The following KLF15 variants were observed in gnomAD, a reference collection of about 807,000 sequenced individuals.
KLF15 encodes Krueppel-like factor 15.
A neutral mutation model predicts 24.6 loss-of-function variants in KLF15; 4 were observed. The ratio of observed to expected loss-of-function variants is 0.16; its 90% CI spans 0.08 to 0.37. The LOEUF (loss-of-function observed/expected upper bound fraction) is 0.37. KLF15 is among the 10% of genes least tolerant of loss of function. KLF15 has a pLI of 1.00. For synonymous variants in KLF15, 246 were observed against 236.3 expected, an observed-to-expected ratio of 1.04 and a Z score of -0.37; for missense variants, 496 against 560.6, an observed-to-expected ratio of 0.88 and a Z score of 1.16.
chr3:126,306,766 G>A, the KLF15 span, among the ~76,000 whole-genome samples: 103 of 152,360 alleles, frequency 6.8e-4, 1 homozygote, highest in Admixed American at 3.0e-3. Flanking sequence ...GAATGACAGC[G>A]AGTTCCCCTG....
the KLF15 span, among the ~76,000 whole-genome samples, chr3:126,312,073 C>A: frequency 2.4e-4 from 36 of 152,206 alleles, no homozygotes; most frequent in Non-Finnish European, 4.3e-4. Flanking sequence ...GAGGCTATAG[C>A]CCCTCTGAGC....
chr3:126,298,072 T>C, the KLF15 span, among the ~76,000 whole-genome samples: 3 of 152,340 alleles, frequency 2.0e-5, no homozygotes, highest in South Asian at 6.2e-4. Context: ...ACCAGCAGTG[T>C]AGAAATGCTC....
chr3:126,346,821 C>T (rs1415378428), intron 2 of KLF15, among the ~76,000 whole-genome samples: 1 of 152,178 alleles, frequency 6.6e-6, no homozygotes, highest in African/African-American at 2.4e-5. Context: ...TAAGATGCAG[C>T]CCTTGTAGGC....
the KLF15 span, among the ~76,000 whole-genome samples, chr3:126,313,623 G>C: frequency 1.3e-5 from 2 of 152,166 alleles, no homozygotes; most frequent in Admixed American, 1.3e-4. Flanking sequence ...CCTGCAGAGG[G>C]TCATTTTTCA....
chr3:126,317,949 C>T, the KLF15 span, among the ~76,000 whole-genome samples: 1 of 152,198 alleles, frequency 6.6e-6, no homozygotes, highest in South Asian at 2.1e-4. Flanking sequence ...ACGTTGGTGA[C>T]TCACATACAT....
chr3:126,304,956 T>A, the KLF15 span, among the ~76,000 whole-genome samples: 1 of 152,124 alleles, frequency 6.6e-6, no homozygotes, highest in Non-Finnish European at 1.5e-5. Context: ...CCAAGTAGAG[T>A]CTACCTTTCT....
the KLF15 span, among the ~76,000 whole-genome samples, chr3:126,327,086 G>C: frequency 8.5e-5 from 13 of 152,132 alleles, no homozygotes; most frequent in Admixed American, 2.0e-4. Flanking sequence ...TTTCCACAGA[G>C]GTGCCTTGCC....
the KLF15 span, among the ~76,000 whole-genome samples, chr3:126,289,675 A>G: frequency 6.6e-6 from 1 of 152,256 alleles, no homozygotes; most frequent in South Asian, 2.1e-4. Context: ...GCATAGGTTA[A>G]TAAATACAGG....
chr3:126,337,850 T>C (rs575390837), downstream of KLF15, among the ~76,000 whole-genome samples: 31 of 152,244 alleles, frequency 2.0e-4, no homozygotes, highest in Non-Finnish European at 4.1e-4. Flanking sequence ...CTTCTGTTTG[T>C]TTAAACAGAT....
At chr3:126,337,934 G>C (rs545338908), downstream of KLF15, among the ~76,000 whole-genome samples, 1 of 152,144 alleles carries the variant, frequency 6.6e-6, no homozygotes, top group South Asian at 2.1e-4. Context: ...CAAGTCCCTG[G>C]GTGCCTTGTA....
chr3:126,293,204 A>C, the KLF15 span, among the ~76,000 whole-genome samples: 1 of 151,208 alleles, frequency 6.6e-6, no homozygotes, highest in Non-Finnish European at 1.5e-5. Context: ...AGTCTCAGCT[A>C]CTTGGGAGGC....
At chr3:126,298,420 G>GATTATTATTATT in the KLF15 span, among the ~76,000 whole-genome samples, 955 of 146,274 alleles carry the variant, frequency 6.5e-3, 12 homozygotes, top group East Asian at 0.035. Context: ...TTACTCTGCT[G>GATTATTATTATT]ATTATTATTA....
chr3:126,288,895 G>T, the KLF15 span: 2 of 152,248 alleles, frequency 1.3e-5, no homozygotes, highest in East Asian at 1.9e-4. Flanking sequence ...AATGAAAATC[G>T]CAACAGGATG....
At chr3:126,323,411 A>G in the KLF15 span, among the ~76,000 whole-genome samples, 1 of 34,162 alleles carries the variant, frequency 2.9e-5, no homozygotes, top group Non-Finnish European at 4.8e-5. Flanking sequence ...AGTTATATAT[A>G]TATATATATA....
chr3:126,332,273 G>C, the KLF15 span, among the ~76,000 whole-genome samples: 1 of 149,066 alleles, frequency 6.7e-6, no homozygotes. Context: ...CCTGACCCCC[G>C]AGCAGCCTAA....
the KLF15 span, among the ~76,000 whole-genome samples, chr3:126,302,538 A>T: frequency 6.6e-6 from 1 of 152,156 alleles, no homozygotes; most frequent in African/African-American, 2.4e-5. Context: ...AAGTTCTATC[A>T]CTTACTGGCT....
the KLF15 span, among the ~76,000 whole-genome samples, chr3:126,296,702 GA>G: frequency 6.6e-6 from 1 of 152,180 alleles, no homozygotes; most frequent in African/African-American, 2.4e-5. Context: ...CCAAAGTGTA[GA>G]AAACACAGTA....
At chr3:126,328,345 G>C in the KLF15 span, among the ~76,000 whole-genome samples, 10 of 152,070 alleles carry the variant, frequency 6.6e-5, no homozygotes, top group African/African-American at 2.4e-4. Context: ...ATGGGCTTTT[G>C]GGTTGGTTCT....
chr3:126,319,003 T>A, the KLF15 span, among the ~76,000 whole-genome samples: 1 of 152,252 alleles, frequency 6.6e-6, no homozygotes, highest in Admixed American at 6.5e-5. Flanking sequence ...ATCTGTTTCC[T>A]GTCTCCATAG....
Sources: allele counts gnomAD v4.1 joint callset (sites outside exome capture counted in the v4.1 genomes callset), GRCh38; gene constraint gnomAD v4.1.1; transcripts MANE v1.5; gene names NCBI Gene and HGNC (gene_info 2026-07-23, HGNC 2026-07-21).